The following SNTG1 variants were observed in gnomAD, a reference collection of about 807,000 sequenced individuals.
SNTG1 encodes gamma-1-syntrophin.
A neutral mutation model predicts 74.7 loss-of-function variants in SNTG1; 39 were observed. That is an observed-to-expected ratio of 0.52 (90% CI 0.40 to 0.68). The LOEUF (loss-of-function observed/expected upper bound fraction) is 0.68. Ranked by LOEUF, SNTG1 falls within the 30% of genes least tolerant of loss-of-function variation. The pLI is 0.00. For synonymous variants in SNTG1, 254 were observed against 217.1 expected, an observed-to-expected ratio of 1.17 and a Z score of -1.49; for missense variants, 685 against 609.5, an observed-to-expected ratio of 1.12 and a Z score of -1.30.
chr8:50,548,504 A>G (rs992743612), intron 11 of SNTG1, among the ~76,000 whole-genome samples: 2 of 152,218 alleles, frequency 1.3e-5, no homozygotes, highest in Non-Finnish European at 1.5e-5. Flanking sequence ...GCTAAAGTAA[A>G]GTGGAGATGG....
chr8:50,502,044 G>A, intron 8 of SNTG1, among the ~76,000 whole-genome samples: 1 of 151,890 alleles, frequency 6.6e-6, no homozygotes, highest in South Asian at 2.1e-4. Context: ...TTTTGGATAT[G>A]ATTCTTGGAG....
chr8:50,326,461 C>A (rs1036984603), intron 2 of SNTG1, among the ~76,000 whole-genome samples: 2 of 152,012 alleles, frequency 1.3e-5, no homozygotes, highest in African/African-American at 4.8e-5. Context: ...CCAACATTGT[C>A]AAATTTGTGG....
Position 50,581,211 on chromosome 8 carries a change from A to G in SNTG1, c.811-9668A>G, listed in dbSNP as rs188039928. On this transcript the variant is annotated intron_variant, in intron 12 of 18. Coordinates refer to ENST00000642720, the MANE Select transcript of SNTG1 (RefSeq NM_018967.5). ...TTATGATGTTCTTTTGTGTTAAATG[A>G]TAAATGGGATGACTAAATTCCAAAA... 3.6e-3 allele frequency among the ~76,000 whole-genome samples: 549 copies of G among 152,336 alleles called. 3 individuals are homozygous for G. The highest frequency in any genetic ancestry group is 5.8e-3 in the Non-Finnish European group (392 of 68,024).
intron 1 of SNTG1, among the ~76,000 whole-genome samples, chr8:50,068,289 G>A (rs1255688754): frequency 6.6e-6 from 1 of 152,138 alleles, no homozygotes; most frequent in Non-Finnish European, 1.5e-5. Flanking sequence ...TTATCCTCAG[G>A]CAGATTACCC....
In SNTG1 at chr8:50,722,237, C is replaced by T. The variant is rs751148290; in HGVS notation, c.1284+13259C>T. Among the ~76,000 whole-genome samples the T allele has an allele frequency of 2.1e-4, 32 of 151,126 alleles. 1 individual carries two copies. The highest frequency in any genetic ancestry group is 1.6e-3 in the Admixed American group (24 of 15,208). The stretch of plus-strand genomic sequence containing the variant: ...TCACCCAGGCTGGAGTGCAGTGGTG[C>T]GATCTCAGCTCACTGCAACATCCAC... On this transcript the variant is annotated intron_variant, in intron 17 of 18. Transcript: ENST00000642720.
intron 11 of SNTG1, among the ~76,000 whole-genome samples, chr8:50,541,403 C>T: frequency 6.6e-6 from 1 of 152,078 alleles, no homozygotes; most frequent in East Asian, 1.9e-4. Flanking sequence ...ACTACACCAG[C>T]ATCCCTCTTG....
At chr8:50,676,601 C>T (rs2095310640) in intron 15 of SNTG1, among the ~76,000 whole-genome samples, 1 of 151,740 alleles carries the variant, frequency 6.6e-6, no homozygotes, top group African/African-American at 2.4e-5. Flanking sequence ...CATACCGTTT[C>T]TGATTCTTTT....
Position 50,314,318 on chromosome 8 carries a change from T to C in SNTG1, c.-27-79894T>C, listed in dbSNP as rs182228654. ...TTATCTCTTGTTTTGATCAACTTGA[T>C]TGGGACATGCTTCAGTGTAGCTATT... On this transcript the variant is annotated intron_variant, in intron 2 of 18. Coordinates refer to ENST00000642720, the MANE Select transcript of SNTG1 (RefSeq NM_018967.5). Among the ~76,000 whole-genome samples, 330 of 149,816 alleles carry C rather than the reference T, an allele frequency of 2.2e-3. 26 individuals carry two copies. The highest frequency in any genetic ancestry group is 7.7e-3 in the African/African-American group (309 of 40,216).
At chr8:50,039,325 G>A (rs1818425744) in intron 1 of SNTG1, among the ~76,000 whole-genome samples, 1 of 151,678 alleles carries the variant, frequency 6.6e-6, no homozygotes, top group East Asian at 1.9e-4. Flanking sequence ...CATGGTGGCG[G>A]GCGCCTGTAG....
intron 2 of SNTG1, among the ~76,000 whole-genome samples, chr8:50,206,411 T>C (rs946711670): frequency 6.6e-5 from 10 of 152,198 alleles, no homozygotes; most frequent in Admixed American, 4.6e-4. Context: ...TTTTTGAACA[T>C]TGATTTTGTA....
chr8:50,660,340 AAGAGAAAGAAAGAAAGAAAG>A (rs2095213215), intron 15 of SNTG1, among the ~76,000 whole-genome samples: 1 of 137,910 alleles, frequency 7.3e-6, no homozygotes, highest in Non-Finnish European at 1.6e-5. Context: ...GAAAGAAAGA[AAGAGAAAGAAAGAAAGAAAG>A]AGAGAGAGAG....
intron 2 of SNTG1, among the ~76,000 whole-genome samples, chr8:50,384,086 C>T (rs896827717): frequency 1.3e-5 from 2 of 152,182 alleles, no homozygotes; most frequent in Non-Finnish European, 2.9e-5. Flanking sequence ...ATTTCCTAAA[C>T]TCATGAATTC....
chr8:50,107,770 C>G (rs1478546000), intron 1 of SNTG1, among the ~76,000 whole-genome samples: 1 of 151,930 alleles, frequency 6.6e-6, no homozygotes, highest in Non-Finnish European at 1.5e-5. Flanking sequence ...AGGTTGGTCT[C>G]GAACTCCTGA....
At chr8:50,268,538 T>A (rs568856045) in intron 2 of SNTG1, among the ~76,000 whole-genome samples, 5 of 152,018 alleles carry the variant, frequency 3.3e-5, no homozygotes, top group African/African-American at 1.2e-4. Flanking sequence ...TGACCTTTAA[T>A]AAATAGCTAC....
At chr8:50,387,421 C>T (rs370147280) in intron 2 of SNTG1, among the ~76,000 whole-genome samples, 1 of 152,130 alleles carries the variant, frequency 6.6e-6, no homozygotes, top group East Asian at 1.9e-4. Context: ...TTCCAGTACT[C>T]TTAAGTCATC....
chr8:50,357,270 T>C (rs2091845091), intron 2 of SNTG1, among the ~76,000 whole-genome samples: 1 of 152,220 alleles, frequency 6.6e-6, no homozygotes, highest in Non-Finnish European at 1.5e-5. Context: ...AGTCCAGTCT[T>C]CTACATCCCT....
intron 1 of SNTG1, among the ~76,000 whole-genome samples, chr8:50,008,987 T>A (rs1336343803): frequency 6.6e-6 from 1 of 151,748 alleles, no homozygotes; most frequent in Non-Finnish European, 1.5e-5. Flanking sequence ...AATCCCACAG[T>A]TTGCCTCTTA....
chr8:50,331,192 CACAG>C (rs1429470460), intron 2 of SNTG1, among the ~76,000 whole-genome samples: 2 of 152,106 alleles, frequency 1.3e-5, no homozygotes, highest in East Asian at 1.9e-4. Flanking sequence ...TGAAATAGCA[CACAG>C]ACAGGTGGGC....
chr8:50,026,853 G>A (rs1817307589), intron 1 of SNTG1, among the ~76,000 whole-genome samples: 1 of 152,108 alleles, frequency 6.6e-6, no homozygotes, highest in African/African-American at 2.4e-5. Flanking sequence ...TTAAGAAAAT[G>A]TGTTTTAAGT....
Sources: gnomAD v4.1 joint callset for allele counts (sites outside exome capture counted in the v4.1 genomes callset) on GRCh38, gnomAD v4.1.1 for gene constraint, MANE v1.5 for transcripts, NCBI Gene and HGNC (gene_info 2026-07-23, HGNC 2026-07-21) for gene names.